Variants in EIF4B observed in about 807,000 individuals in gnomAD.
The protein encoded by EIF4B is eukaryotic translation initiation factor 4B.
EIF4B carries 8 observed loss-of-function variants against 79.3 expected under a neutral mutation model. The ratio of observed to expected loss-of-function variants is 0.10; its 90% CI spans 0.06 to 0.18. EIF4B has a LOEUF of 0.18. Among genes scored for constraint, EIF4B ranks in the 10% least tolerant of loss-of-function variants. The pLI, the probability that EIF4B is intolerant of heterozygous loss-of-function variation, is 1.00. For missense variants in EIF4B, 515 were observed against 792.4 expected, an observed-to-expected ratio of 0.65 and a Z score of 4.20; for synonymous variants, 238 against 274.7, an observed-to-expected ratio of 0.87 and a Z score of 1.32.
chr12:53,027,119 C>G (rs1321118051), intron 6 of EIF4B, among the ~76,000 whole-genome samples: 1 of 30,340 alleles, frequency 3.3e-5, no homozygotes, highest in East Asian at 1.7e-3. Context: ...GAGAGACTGT[C>G]TCTCAAAAAA....
At chr12:53,039,431 G>C (rs866838472) in intron 13 of EIF4B, 88 bp downstream of exon 13, 31 of 1,269,272 alleles carry the variant, frequency 2.4e-5, no homozygotes, top group African/African-American at 1.5e-5. Context: ...AGCACTGCCA[G>C]ATCGCTCATT....
chr12:53,010,136 T>TA (rs1393766414), intron 1 of EIF4B, among the ~76,000 whole-genome samples: 2 of 152,222 alleles, frequency 1.3e-5, no homozygotes, highest in Non-Finnish European at 2.9e-5. Context: ...ATTGGGCACT[T>TA]ATTTTGTTTG....
intron 9 of EIF4B, 47 bp from the exon 10 acceptor site, chr12:53,034,565 C>G: frequency 6.2e-7 from 1 of 1,605,284 alleles, no homozygotes; most frequent in Non-Finnish European, 8.5e-7. Flanking sequence ...CTAAGGTGGC[C>G]TTCACTGAGC....
chr12:53,036,284 T>C (rs971410716), intron 10 of EIF4B, among the ~76,000 whole-genome samples: 1 of 152,010 alleles, frequency 6.6e-6, no homozygotes, highest in Non-Finnish European at 1.5e-5. Flanking sequence ...GGCTAATTTT[T>C]TGTATTTTTA....
intron 3 of EIF4B, 32 bp downstream of exon 3, chr12:53,019,038 T>C (rs1229519598): frequency 3.1e-6 from 5 of 1,598,794 alleles, no homozygotes; most frequent in Non-Finnish European, 4.3e-6. Context: ...ATTAACTAGA[T>C]ATTGAGGATA....
chr12:53,009,540 G>A (rs1350661953), intron 1 of EIF4B, among the ~76,000 whole-genome samples: 1 of 151,918 alleles, frequency 6.6e-6, no homozygotes, highest in Non-Finnish European at 1.5e-5. Context: ...AATAACATAT[G>A]TAAGCTCATG....
intron 8 of EIF4B, among the ~76,000 whole-genome samples, chr12:53,032,903 T>G (rs1312329713): frequency 6.6e-6 from 1 of 152,070 alleles, no homozygotes; most frequent in South Asian, 2.1e-4. Flanking sequence ...ACTCCTGATC[T>G]CAGGTGATCC....
intron 13 of EIF4B, 39 bp downstream of exon 13, chr12:53,039,382 A>T (rs759638394): frequency 6.8e-7 from 1 of 1,466,256 alleles, no homozygotes; most frequent in East Asian, 2.4e-5. Flanking sequence ...TCTGATCCAC[A>T]TGTTTGTGTA....
chr12:53,015,300 C>T (rs191435833), intron 1 of EIF4B, among the ~76,000 whole-genome samples: 254 of 152,306 alleles, frequency 1.7e-3, no homozygotes, highest in African/African-American at 5.7e-3. Context: ...GTTTTATCTT[C>T]AGCCTAGCCA....
intron 1 of EIF4B, among the ~76,000 whole-genome samples, 168 bp downstream of exon 1, chr12:53,006,664 TG>T (rs1330662922): frequency 6.6e-6 from 1 of 151,246 alleles, no homozygotes; most frequent in Non-Finnish European, 1.5e-5. Flanking sequence ...TCTGGATGTT[TG>T]GGGGGGAGGG....
At chr12:53,010,863 A>G (rs1017099260) in intron 1 of EIF4B, among the ~76,000 whole-genome samples, 1 of 152,130 alleles carries the variant, frequency 6.6e-6, no homozygotes, top group Non-Finnish European at 1.5e-5. Context: ...ATGAGCCACC[A>G]CACCTGGCCT....
intron 1 of EIF4B, among the ~76,000 whole-genome samples, chr12:53,015,742 C>T (rs1346769120): frequency 2.0e-5 from 3 of 149,448 alleles, no homozygotes; most frequent in Non-Finnish European, 4.4e-5. Flanking sequence ...TTTCGGAGGC[C>T]GAGGCAGGAG....
At chr12:53,016,195 G>C (rs1414499253) in intron 1 of EIF4B, among the ~76,000 whole-genome samples, 1 of 152,058 alleles carries the variant, frequency 6.6e-6, no homozygotes, top group Non-Finnish European at 1.5e-5. Context: ...GAAAATAAAA[G>C]GTTGCCCCCA....
intron 1 of EIF4B, among the ~76,000 whole-genome samples, chr12:53,012,610 T>C (rs1259015980): frequency 1.3e-5 from 2 of 150,978 alleles, no homozygotes; most frequent in South Asian, 2.1e-4. Context: ...TTTTTTTTTT[T>C]CTTTTTTTTG....
At chr12:53,023,095 T>C (rs1350440252) in intron 6 of EIF4B, among the ~76,000 whole-genome samples, 1 of 151,990 alleles carries the variant, frequency 6.6e-6, no homozygotes. Flanking sequence ...CCAGGAGGTC[T>C]AGACTGGGTG....
intron 8 of EIF4B, among the ~76,000 whole-genome samples, chr12:53,030,039 TAGTG>T (rs1943407655): frequency 7.4e-6 from 1 of 135,168 alleles, no homozygotes; most frequent in South Asian, 2.5e-4. Flanking sequence ...CCTGGCAACA[TAGTG>T]AGACCCCATC....
chr12:53,019,259 C>T (rs1360435841), intron 3 of EIF4B, among the ~76,000 whole-genome samples: 3 of 151,676 alleles, frequency 2.0e-5, no homozygotes, highest in East Asian at 3.9e-4. Context: ...ATTAGCTGGG[C>T]GTGGTGGTAC....
In EIF4B at chr12:53,006,633, T is replaced by C. The variant is rs1942964655; in HGVS notation, c.13+137T>C. 13 of 1,499,770 alleles carry C rather than the reference T, an allele frequency of 8.7e-6. 2 individuals carry two copies. The highest frequency in any genetic ancestry group is 1.7e-4 in the Middle Eastern group (1 of 5,752). The allele number at this position is 1,499,770 out of a possible 1,614,324, so 92.9% of individuals were successfully genotyped here. ...TGAGGGCTGCGGCAGGCTGGCGGCG[T>C]GGCCCTGTTAGGTTACTGCCTCTGG... is the stretch of plus-strand genomic sequence containing the variant. On this transcript the variant is annotated intron_variant, in intron 1 of 14. Transcript: ENST00000262056.
intron 3 of EIF4B, among the ~76,000 whole-genome samples, chr12:53,019,437 A>ATATATTTTTTTTCTTTTT: frequency 2.0e-5 from 1 of 51,024 alleles, no homozygotes; most frequent in East Asian, 6.5e-4. Flanking sequence ...ATATATATAT[A>ATATATTTTTTTTCTTTTT]TTTTTTTTTT....
Sources: allele counts gnomAD v4.1 joint callset (sites outside exome capture counted in the v4.1 genomes callset), GRCh38; gene constraint gnomAD v4.1.1; transcripts MANE v1.5; gene names NCBI Gene and HGNC (gene_info 2026-07-23, HGNC 2026-07-21).